Variants in PCTP observed in about 807,000 individuals in gnomAD.
PCTP encodes the protein phosphatidylcholine transfer protein.
Under a neutral mutation model 31.0 loss-of-function variants are expected in PCTP, and 27 were observed. That is an observed-to-expected ratio of 0.87 (90% CI 0.64 to 1.20). The LOEUF is 1.20. PCTP is among the 50% of genes most tolerant of loss of function. The probability of loss-of-function intolerance (pLI) is 0.00; values close to 1 mark genes in which losing one functional copy is unlikely to be tolerated. For missense variants in PCTP, 287 were observed against 268.2 expected, an observed-to-expected ratio of 1.07 and a Z score of -0.49; for synonymous variants, 108 against 101.2, an observed-to-expected ratio of 1.07 and a Z score of -0.40.
At chr17:55,756,253 A>G (rs1910011659) in intron 1 of PCTP, among the ~76,000 whole-genome samples, 1 of 152,254 alleles carries the variant, frequency 6.6e-6, no homozygotes, top group Non-Finnish European at 1.5e-5. Context: ...ATTGATGAGA[A>G]TAAGCCCATA....
chr17:55,823,647 A>G (rs530078864), downstream of PCTP, among the ~76,000 whole-genome samples: 172 of 152,350 alleles, frequency 1.1e-3, 1 homozygote, highest in African/African-American at 3.9e-3. Context: ...CCCCTTCTGC[A>G]TGTCAATCTT....
At chr17:55,836,908 A>T (rs1905795225) in intron 5 of PCTP, among the ~76,000 whole-genome samples, 1 of 152,216 alleles carries the variant, frequency 6.6e-6, no homozygotes, top group African/African-American at 2.4e-5. Context: ...TGCTGGGGGA[A>T]TGTACATCAA....
chr17:55,780,871 T>C (rs1212534082), downstream of PCTP, among the ~76,000 whole-genome samples: 1 of 152,110 alleles, frequency 6.6e-6, no homozygotes, highest in Non-Finnish European at 1.5e-5. Context: ...CTTCACCATG[T>C]CTGGGAAATG....
chr17:55,813,449 C>T (rs1912818615), intron 3 of PCTP, among the ~76,000 whole-genome samples: 1 of 151,858 alleles, frequency 6.6e-6, no homozygotes, highest in African/African-American at 2.4e-5. Context: ...TCAGTAGAGA[C>T]AGGTTTTTTT....
chr17:55,756,437 G>C (rs1910020760), intron 1 of PCTP, among the ~76,000 whole-genome samples: 1 of 152,166 alleles, frequency 6.6e-6, no homozygotes, highest in Non-Finnish European at 1.5e-5. Context: ...GTAACATTTG[G>C]CCGATTTGAA....
At chr17:55,771,318 G>A (rs977050133) in intron 3 of PCTP, 133 bp downstream of exon 3, 1 of 709,546 alleles carries the variant, frequency 1.4e-6, no homozygotes, top group Non-Finnish European at 2.5e-6. Context: ...TCTTGCAGCA[G>A]CATTTGCTAA....
chr17:55,841,133 C>A lies in PCTP; in HGVS notation n.506-1594C>A, dbSNP rs1251257101. Among the ~76,000 whole-genome samples the A allele has an allele frequency of 2.0e-5, 3 of 152,160 alleles. No homozygotes were observed. The East Asian group carries it at 5.8e-4, about 29-fold the overall frequency. On this transcript the variant is annotated intron_variant and non_coding_transcript_variant, in intron 5 of 5. Transcript: ENST00000576221. ...AGAAACAGAAAAAGATAAAGAGACA[C>A]AGAAAGACTTGAAATCATAGTACAT...
At chr17:55,757,200 TTG>T (rs1910076633) in intron 1 of PCTP, among the ~76,000 whole-genome samples, 1 of 150,972 alleles carries the variant, frequency 6.6e-6, no homozygotes, top group African/African-American at 2.4e-5. Flanking sequence ...ACACACATGC[TTG>T]TGTGTGTATA....
At chr17:55,771,211 C>T (rs746147276) in intron 3 of PCTP, 26 bp downstream of exon 3, 2 of 1,547,876 alleles carry the variant, frequency 1.3e-6, no homozygotes, top group African/African-American at 2.7e-5. Flanking sequence ...GGTACTCATT[C>T]CCTGGCCCTC....
chr17:55,802,533 G>T (rs983863943), intron 3 of PCTP, among the ~76,000 whole-genome samples: 15 of 152,122 alleles, frequency 9.9e-5, no homozygotes, highest in Admixed American at 3.9e-4. Context: ...TGGTCAAGTC[G>T]GCTTTATCCC....
chr17:55,783,231 C>T (rs1253333642), intron 2 of PCTP, among the ~76,000 whole-genome samples: 10 of 151,910 alleles, frequency 6.6e-5, no homozygotes, highest in Non-Finnish European at 1.5e-5. Flanking sequence ...TGATTTAACA[C>T]CGTTGGAGAG....
chr17:55,827,918 C>G (rs569869409), downstream of PCTP, among the ~76,000 whole-genome samples: 1 of 152,284 alleles, frequency 6.6e-6, no homozygotes, highest in South Asian at 2.1e-4. Context: ...TCCTGTAAAA[C>G]CACTGTTACT....
At chr17:55,827,789 C>G (rs543495072), downstream of PCTP, among the ~76,000 whole-genome samples, 2 of 152,228 alleles carry the variant, frequency 1.3e-5, no homozygotes, top group East Asian at 1.9e-4. Context: ...AAAGTCCAGG[C>G]TAATTAAGGG....
At chr17:55,775,728 G>T in intron 5 of PCTP, 1 of 1,249,448 alleles carries the variant, frequency 8.0e-7, no homozygotes, top group Non-Finnish European at 1.0e-6. Context: ...TAACAATCCA[G>T]CCCAAGCCCA....
At chr17:55,825,491 T>G (rs1394287953), downstream of PCTP, among the ~76,000 whole-genome samples, 1 of 152,264 alleles carries the variant, frequency 6.6e-6, no homozygotes, top group Non-Finnish European at 1.5e-5. Context: ...ATCTTTTTGC[T>G]ACATAGGCAT....
chr17:55,846,384 C>G (rs548885117), downstream of PCTP, among the ~76,000 whole-genome samples: 1 of 152,048 alleles, frequency 6.6e-6, no homozygotes, highest in Non-Finnish European at 1.5e-5. Flanking sequence ...CTTGAGGATT[C>G]GTGGGGATAT....
At chr17:55,848,331 A>C in the PCTP span, among the ~76,000 whole-genome samples, 1 of 152,202 alleles carries the variant, frequency 6.6e-6, no homozygotes. Context: ...AGCTTTGAAG[A>C]ATTAACTTAC....
chr17:55,759,643 A>G (rs1377202185), intron 1 of PCTP, among the ~76,000 whole-genome samples: 2 of 152,176 alleles, frequency 1.3e-5, no homozygotes, highest in Admixed American at 1.3e-4. Context: ...TGAGAGGCAA[A>G]GAGAACTCAA....
intron 3 of PCTP, among the ~76,000 whole-genome samples, chr17:55,818,382 A>C (rs576708597): frequency 5.8e-4 from 88 of 152,316 alleles, no homozygotes; most frequent in Non-Finnish European, 9.7e-4. Context: ...GTTCTATCTC[A>C]GCATTTGTCA....
Sources: gnomAD v4.1 joint callset for allele counts (sites outside exome capture counted in the v4.1 genomes callset) on GRCh38, gnomAD v4.1.1 for gene constraint, MANE v1.5 for transcripts, NCBI Gene and HGNC (gene_info 2026-07-23, HGNC 2026-07-21) for gene names.